ROBO2: variants seen among roughly 807,000 people sequenced by gnomAD.
The protein encoded by ROBO2 is roundabout homolog 2.
In ROBO2, 53 loss-of-function variants were observed where a neutral mutation model predicts 160.8. The observed-to-expected ratio is 0.33, with a 90% CI of 0.26 to 0.41. ROBO2 has a LOEUF of 0.41. ROBO2 is among the 10% of genes least tolerant of loss of function. The pLI is 1.00. For synonymous variants in ROBO2, 664 were observed against 611.7 expected (o/e 1.09, Z -1.26); for missense variants, 1,577 against 1,722.4 (o/e 0.92, Z 1.49).
At chr3:76,237,877 G>A (rs17140546) in intron 2 of ROBO2, among the ~76,000 whole-genome samples, 16,386 of 152,162 alleles carry the variant, frequency 0.11, 1,238 homozygotes, top group East Asian at 0.22. Context: ...CTAAGACAGC[G>A]ATTTTCCCCT....
intron 2 of ROBO2, among the ~76,000 whole-genome samples, chr3:76,540,734 TAAGA>T (rs893858440): frequency 2.0e-5 from 3 of 152,142 alleles, no homozygotes; most frequent in African/African-American, 7.2e-5. Flanking sequence ...GGCCTTGACA[TAAGA>T]AATAGAAAAA....
intron 2 of ROBO2, among the ~76,000 whole-genome samples, chr3:76,055,346 A>G (rs1357108986): frequency 2.0e-5 from 3 of 152,104 alleles, no homozygotes; most frequent in Non-Finnish European, 4.4e-5. Flanking sequence ...TTTTTATTGT[A>G]TTTATCTTAT....
At chr3:77,187,057 A>G (rs1170899479) in intron 2 of ROBO2, among the ~76,000 whole-genome samples, 1 of 152,040 alleles carries the variant, frequency 6.6e-6, no homozygotes, top group Non-Finnish European at 1.5e-5. Flanking sequence ...ATTGAAGTAA[A>G]TGAAAATGAA....
intron 2 of ROBO2, among the ~76,000 whole-genome samples, chr3:77,456,693 AAATGACTGGGCTTATTT>A (rs1346764200): frequency 6.6e-6 from 1 of 152,238 alleles, no homozygotes; most frequent in Non-Finnish European, 1.5e-5. Flanking sequence ...AACTTAACTG[AAATGACTGGGCTTATTT>A]GAATTCTGCT....
chr3:76,154,652 T>G (rs1183041793), intron 2 of ROBO2, among the ~76,000 whole-genome samples: 1 of 152,168 alleles, frequency 6.6e-6, no homozygotes, highest in Non-Finnish European at 1.5e-5. Flanking sequence ...CAATGTACTC[T>G]GCTTTCTATT....
At chr3:76,179,078 C>G (rs757242675) in intron 2 of ROBO2, among the ~76,000 whole-genome samples, 1 of 152,010 alleles carries the variant, frequency 6.6e-6, no homozygotes, top group Non-Finnish European at 1.5e-5. Flanking sequence ...AAGTATTTGA[C>G]GCCAAATATT....
chr3:77,270,049 G>C (rs2059390004), intron 2 of ROBO2, among the ~76,000 whole-genome samples: 1 of 152,162 alleles, frequency 6.6e-6, no homozygotes, highest in South Asian at 2.1e-4. Context: ...AAGATTAAGA[G>C]AATAGTTACC....
chr3:76,815,445 GA>G (rs5850292), intron 2 of ROBO2, among the ~76,000 whole-genome samples: 9,750 of 139,856 alleles, frequency 0.07, 351 homozygotes, highest in East Asian at 0.11. Context: ...CAGAAAAATT[GA>G]AAAAAAAAAA....
chr3:77,285,067 A>G (rs2060490097), intron 2 of ROBO2, among the ~76,000 whole-genome samples: 1 of 152,116 alleles, frequency 6.6e-6, no homozygotes. Flanking sequence ...TATCCCCTTT[A>G]TATAAAGTTC....
At chr3:76,071,341 C>T (rs191564182) in intron 2 of ROBO2, among the ~76,000 whole-genome samples, 147 of 152,212 alleles carry the variant, frequency 9.7e-4, no homozygotes, top group African/African-American at 3.3e-3. Context: ...TTAATTTGAC[C>T]TCTTTGCTGC....
intron 2 of ROBO2, among the ~76,000 whole-genome samples, chr3:77,196,211 G>A (rs17015079): frequency 0.031 from 4,677 of 152,272 alleles, 251 homozygotes; most frequent in African/African-American, 0.1. Context: ...AATCCATTTG[G>A]AAGCCTGTTG....
intron 2 of ROBO2, among the ~76,000 whole-genome samples, chr3:76,948,906 ATATTT>A (rs1292890904): frequency 1.2e-3 from 24 of 20,848 alleles, no homozygotes; most frequent in Admixed American, 9.9e-3. Flanking sequence ...ATATATATAT[ATATTT>A]TTTTTTTTTT....
chr3:77,637,662 G>A (rs2095287160), intron 24 of ROBO2, among the ~76,000 whole-genome samples: 1 of 152,122 alleles, frequency 6.6e-6, no homozygotes, highest in Non-Finnish European at 1.5e-5. Flanking sequence ...TCTAGTAATT[G>A]ATAATTTTGT....
chr3:77,577,951 T>C (rs2093811807), intron 15 of ROBO2, among the ~76,000 whole-genome samples: 1 of 152,086 alleles, frequency 6.6e-6, no homozygotes, highest in South Asian at 2.1e-4. Flanking sequence ...ATTAGAATTC[T>C]GCATAAGAGG....
At chr3:76,728,086 C>T (rs1186215792) in intron 2 of ROBO2, among the ~76,000 whole-genome samples, 1 of 151,390 alleles carries the variant, frequency 6.6e-6, no homozygotes, top group Non-Finnish European at 1.5e-5. Context: ...GGACAAGTAA[C>T]CTATTGCTGA....
chr3:76,086,323 C>T (rs960013491), intron 2 of ROBO2, among the ~76,000 whole-genome samples: 24 of 151,996 alleles, frequency 1.6e-4, no homozygotes, highest in African/African-American at 3.1e-4. Flanking sequence ...TGGAGGTAAC[C>T]GCCCCCATGA....
chr3:75,938,887 A>G (rs1488853364), intron 2 of ROBO2, among the ~76,000 whole-genome samples: 1 of 152,070 alleles, frequency 6.6e-6, no homozygotes, highest in Non-Finnish European at 1.5e-5. Context: ...TAGAATTCTC[A>G]TTTTTCTTTT....
chr3:76,901,135 G>T (rs2075193452), intron 2 of ROBO2, among the ~76,000 whole-genome samples: 1 of 151,978 alleles, frequency 6.6e-6, no homozygotes, highest in South Asian at 2.1e-4. Flanking sequence ...GTTAGTATGG[G>T]TCCTGTCATT....
At chr3:76,339,464 T>G (rs1273210963) in intron 2 of ROBO2, among the ~76,000 whole-genome samples, 1 of 152,142 alleles carries the variant, frequency 6.6e-6, no homozygotes, top group Non-Finnish European at 1.5e-5. Context: ...GTCACCTGTT[T>G]TGGACAGTGG....
Sources: gnomAD v4.1 joint callset for allele counts (sites outside exome capture counted in the v4.1 genomes callset) on GRCh38, gnomAD v4.1.1 for gene constraint, MANE v1.5 for transcripts, NCBI Gene and HGNC (gene_info 2026-07-23, HGNC 2026-07-21) for gene names.